The following SRGAP3 variants were observed in gnomAD, a reference collection of about 807,000 sequenced individuals.
The protein encoded by SRGAP3 is SLIT-ROBO Rho GTPase-activating protein 3.
SRGAP3 carries 39 observed loss-of-function variants against 121.1 expected under a neutral mutation model. The observed-to-expected ratio is 0.32, with a 90% CI of 0.25 to 0.42. SRGAP3 has a LOEUF of 0.42. Among genes scored for constraint, SRGAP3 ranks in the 10% least tolerant of loss-of-function variants. The probability of loss-of-function intolerance (pLI) is 1.00; values close to 1 mark genes in which losing one functional copy is unlikely to be tolerated. For synonymous variants in SRGAP3, 601 were observed against 570.0 expected, an observed-to-expected ratio of 1.05 and a Z score of -0.77; for missense variants, 1,213 against 1,470.6, an observed-to-expected ratio of 0.82 and a Z score of 2.86.
chr3:8,985,492 C>G lies in SRGAP3; in HGVS notation c.*27G>C. 1 of 1,597,480 alleles carries G rather than the reference C, an allele frequency of 6.3e-7. No homozygotes were observed. Among genetic ancestry groups the G allele is most frequent in the Non-Finnish European group, 8.5e-7 (1 of 1,179,002 alleles). ...CTGGGCCGTGGTGAGCCACAGCGGG[C>G]CACGGCGGCGCGGCCCATCCTGCAG... On this transcript the variant is annotated 3_prime_UTR_variant, in exon 22 of 22. Transcript: ENST00000383836. This position sits in a 1 kb window ranked among gnomAD's most constrained non-coding sequence, Gnocchi z 5.1.
At chr3:9,026,693 A>G (rs1251875195) in intron 13 of SRGAP3, among the ~76,000 whole-genome samples, 3 of 152,218 alleles carry the variant, frequency 2.0e-5, no homozygotes, top group Non-Finnish European at 4.4e-5. Flanking sequence ...TCTCTTGTCC[A>G]TGCCCTTTCT....
intron 1 of SRGAP3, among the ~76,000 whole-genome samples, chr3:9,175,991 G>A (rs1427154032): frequency 9.2e-5 from 14 of 152,140 alleles, no homozygotes; most frequent in Admixed American, 7.2e-4. Flanking sequence ...GCGCAGTCTC[G>A]GCTCACTGCA....
intron 1 of SRGAP3, among the ~76,000 whole-genome samples, chr3:9,337,841 CA>C (rs1955717253): frequency 6.6e-6 from 1 of 152,152 alleles, no homozygotes; most frequent in Non-Finnish European, 1.5e-5. Context: ...TCTTGGAAAA[CA>C]ATACATACTA....
chr3:9,319,905 A>T (rs1039187551), intron 3 of SRGAP3, among the ~76,000 whole-genome samples: 2 of 151,944 alleles, frequency 1.3e-5, no homozygotes, highest in African/African-American at 4.8e-5. Context: ...GAAAGCCCCG[A>T]GTCAAAAGCA....
At chr3:9,040,607 AG>A (rs1944968795) in intron 10 of SRGAP3, among the ~76,000 whole-genome samples, 1 of 152,002 alleles carries the variant, frequency 6.6e-6, no homozygotes, top group Admixed American at 6.6e-5. Context: ...TTGTCCGCTC[AG>A]GCTGGAGTGC....
At position 9,048,982 on chromosome 3, in the gene SRGAP3, A is replaced by ATTGCAAAAGCC. The variant is rs537515782; in HGVS notation, c.1324-1508_1324-1507insGGCTTTTGCAA. 1.4e-4 allele frequency among the ~76,000 whole-genome samples: 21 copies of ATTGCAAAAGCC among 152,288 alleles called. No individual in the cohort carries two copies. In the South Asian group the frequency reaches 3.1e-3, roughly 23 times the overall value. On this transcript the variant is annotated intron_variant, in intron 9 of 21. Coordinates refer to ENST00000383836, the MANE Select transcript of SRGAP3 (RefSeq NM_014850.4). ...AGGTTTACAAGCAAGGGGTACAGTA[A>ATTGCAAAAGCC]TTGCAACAGCCCTGAGAATAAAGTG...
chr3:9,142,990 A>C (rs1394102729), intron 1 of SRGAP3, among the ~76,000 whole-genome samples: 1 of 151,236 alleles, frequency 6.6e-6, no homozygotes, highest in Non-Finnish European at 1.5e-5. Context: ...GGCATGCACC[A>C]CCACACCCGG....
chr3:9,020,933 C>T (rs1191568411), intron 14 of SRGAP3, among the ~76,000 whole-genome samples: 1 of 152,364 alleles, frequency 6.6e-6, no homozygotes, highest in East Asian at 1.9e-4. Flanking sequence ...ACCCAGATCA[C>T]CTGGGCGTTG....
chr3:9,330,419 G>A (rs566772051), intron 2 of SRGAP3: 1 of 152,506 alleles, frequency 6.6e-6, no homozygotes, highest in East Asian at 1.9e-4. Context: ...GAAACTTGGA[G>A]AGCTTAAAAC....
intron 7 of SRGAP3, 120 bp downstream of exon 7, chr3:9,058,131 G>A: frequency 9.4e-7 from 1 of 1,063,518 alleles, no homozygotes; most frequent in Non-Finnish European, 1.4e-6. Context: ...CATGAACCAG[G>A]AGCTTGACCC....
At chr3:9,152,642 G>C (rs1450233421) in intron 1 of SRGAP3, among the ~76,000 whole-genome samples, 3 of 152,198 alleles carry the variant, frequency 2.0e-5, no homozygotes, top group African/African-American at 7.2e-5. Flanking sequence ...CCATTCCCAA[G>C]CTTCCAGTTC....
intron 1 of SRGAP3, among the ~76,000 whole-genome samples, chr3:9,236,579 T>TC (rs1053536438): frequency 1.8e-3 from 272 of 149,966 alleles, no homozygotes; most frequent in Middle Eastern, 3.4e-3. Context: ...GTGTGGCACT[T>TC]CCCCCCCCCT....
chr3:9,299,413 T>A (rs1955011252), intron 3 of SRGAP3, among the ~76,000 whole-genome samples: 1 of 148,700 alleles, frequency 6.7e-6, no homozygotes, highest in Non-Finnish European at 1.5e-5. Context: ...ATAGTAGACA[T>A]CCAGCCCCAA....
chr3:9,176,128 G>A (rs1009708571), intron 1 of SRGAP3, among the ~76,000 whole-genome samples: 25 of 152,064 alleles, frequency 1.6e-4, no homozygotes, highest in African/African-American at 6.0e-4. Context: ...CGTTATGTTG[G>A]CCAGGCTGGT....
chr3:9,354,507 G>A (rs1487841843), intron 1 of SRGAP3, among the ~76,000 whole-genome samples: 3 of 151,870 alleles, frequency 2.0e-5, no homozygotes, highest in Non-Finnish European at 4.4e-5. Flanking sequence ...GTGAAACCCG[G>A]TCTCTACTAA....
At position 8,984,142 on chromosome 3, in the gene SRGAP3, A is replaced by G. The variant is rs1307153026; in HGVS notation, c.*1377T>C. 4.3e-6 allele frequency: 1 copy of G among 231,188 alleles called. No individual in the cohort carries two copies. The highest frequency in any genetic ancestry group is 2.2e-5 in the African/African-American group (1 of 45,186). 14.3% of individuals were successfully genotyped at this position (231,188 alleles called of 1,614,324 possible). A position where few individuals can be genotyped will look rare whatever the true frequency, so the allele number is the denominator to read the frequency against. On this transcript the variant is annotated 3_prime_UTR_variant, in exon 22 of 22. Coordinates refer to ENST00000383836, the MANE Select transcript of SRGAP3 (RefSeq NM_014850.4). Reference sequence around the variant, plus strand: ...ACGTGAAGATCATGCACCCATTTCTATCACCACATTTTCATCTACACTAAA... The same window carrying G: ...ACGTGAAGATCATGCACCCATTTCTGTCACCACATTTTCATCTACACTAAA...
intron 10 of SRGAP3, among the ~76,000 whole-genome samples, chr3:9,046,932 G>A (rs1203093232): frequency 3.3e-5 from 5 of 151,816 alleles, no homozygotes; most frequent in Non-Finnish European, 7.4e-5. Context: ...CTGGGTTCAC[G>A]CCATTCTCCT....
chr3:9,157,792 C>G (rs990416222), intron 1 of SRGAP3, among the ~76,000 whole-genome samples: 1 of 152,198 alleles, frequency 6.6e-6, no homozygotes, highest in South Asian at 2.1e-4. Flanking sequence ...CTATAACCCA[C>G]ACATATGTAT....
At chr3:9,229,913 T>C (rs1418383738) in intron 1 of SRGAP3, among the ~76,000 whole-genome samples, 1 of 152,242 alleles carries the variant, frequency 6.6e-6, no homozygotes, top group South Asian at 2.1e-4. Flanking sequence ...CCTCGGTTTA[T>C]TGAGTATCTG....
Sources: allele counts gnomAD v4.1 joint callset (sites outside exome capture counted in the v4.1 genomes callset), GRCh38; gene constraint gnomAD v4.1.1; non-coding constraint Gnocchi (gnomAD v3.1); transcripts MANE v1.5; gene names NCBI Gene and HGNC (gene_info 2026-07-23, HGNC 2026-07-21).